Variants in ACP6 observed in about 807,000 individuals in gnomAD.
The protein encoded by ACP6 is lysophosphatidic acid phosphatase type 6.
A neutral mutation model predicts 48.1 loss-of-function variants in ACP6; 48 were observed. The observed-to-expected ratio is 1.00, with a 90% CI of 0.79 to 1.27. The LOEUF is 1.27. Ranked by LOEUF, ACP6 falls within the 50% of genes most tolerant of loss-of-function variation. The pLI, the probability that ACP6 is intolerant of heterozygous loss-of-function variation, is 0.00. For missense variants in ACP6, 485 were observed against 529.1 expected, an observed-to-expected ratio of 0.92 and a Z score of 0.82; for synonymous variants, 172 against 204.2, an observed-to-expected ratio of 0.84 and a Z score of 1.34.
Position 147,645,574 on chromosome 1 carries a change from T to C in ACP6, c.*1849A>G, listed in dbSNP as rs1426427262. 2.0e-5 allele frequency: 3 copies of C among 152,198 alleles called. No homozygotes were observed. The highest frequency in any genetic ancestry group is 3.9e-4 in the East Asian group (2 of 5,188). The allele number at this position is 152,198 out of a possible 1,614,324, so 9.4% of individuals were successfully genotyped here. ...CATTTGTCGAAGCCAGTGAAGGAAA[T>C]AGTCTAGGAATACTGATGAGAAGCT... On this transcript the variant is annotated 3_prime_UTR_variant, in exon 10 of 10. Transcript: ENST00000583509.
intron 5 of ACP6, among the ~76,000 whole-genome samples, chr1:147,636,511 C>T (rs781830431): frequency 6.6e-6 from 1 of 152,162 alleles, no homozygotes; most frequent in Non-Finnish European, 1.5e-5. Context: ...GGACACATCC[C>T]GGAAGCCAGA....
chr1:147,654,576 T>C (rs974427788), intron 5 of ACP6, among the ~76,000 whole-genome samples: 1 of 152,220 alleles, frequency 6.6e-6, no homozygotes, highest in Non-Finnish European at 1.5e-5. Flanking sequence ...CTCTAGCATT[T>C]GCATTGCATC....
At chr1:147,649,895 A>C in intron 8 of ACP6, 1 of 514,804 alleles carries the variant, frequency 1.9e-6, no homozygotes, top group Non-Finnish European at 3.4e-6. Context: ...ACTGTTTGAC[A>C]TATCTTCAAT....
intron 4 of ACP6, among the ~76,000 whole-genome samples, chr1:147,658,715 G>T (rs782058756): frequency 6.6e-6 from 1 of 152,118 alleles, no homozygotes; most frequent in Non-Finnish European, 1.5e-5. Flanking sequence ...AAGCTTGAGG[G>T]GAGAAGCCAG....
intron 5 of ACP6, among the ~76,000 whole-genome samples, chr1:147,632,194 AACAC>A (rs71584653): frequency 4.3e-4 from 63 of 145,992 alleles, no homozygotes; most frequent in Middle Eastern, 3.5e-3. Flanking sequence ...ACCTATGCCC[AACAC>A]ACACACACAC....
intron 8 of ACP6, 42 bp from the exon 9 acceptor site, chr1:147,648,453 C>T: frequency 6.2e-7 from 1 of 1,608,088 alleles, no homozygotes; most frequent in South Asian, 1.1e-5. Context: ...TGCCTCAGGA[C>T]TCTGAAGGTC....
intron 5 of ACP6, among the ~76,000 whole-genome samples, chr1:147,637,207 G>A (rs144733789): frequency 1.3e-5 from 2 of 152,254 alleles, no homozygotes; most frequent in Admixed American, 6.5e-5. Context: ...AGGATGCTGT[G>A]GAATCCTAGA....
At chr1:147,647,986 CAGG>C (rs1659710319) in intron 9 of ACP6, 1 of 525,516 alleles carries the variant, frequency 1.9e-6, no homozygotes, top group South Asian at 2.7e-5. Context: ...CAGGGACGCT[CAGG>C]AGAAGAGGAG....
At chr1:147,655,816 T>C (rs1474953327) in intron 4 of ACP6, among the ~76,000 whole-genome samples, 1 of 152,112 alleles carries the variant, frequency 6.6e-6, no homozygotes, top group African/African-American at 2.4e-5. Context: ...GAAACTACAA[T>C]GTTTCTCATA....
chr1:147,649,042 G>A (rs1487533392), intron 8 of ACP6, among the ~76,000 whole-genome samples: 5 of 152,152 alleles, frequency 3.3e-5, no homozygotes, highest in African/African-American at 9.7e-5. Context: ...AAGGTGGCAA[G>A]GTGGCAAAAG....
chr1:147,669,812 C>G lies in ACP6; in HGVS notation c.219+18G>C. The G allele has an allele frequency of 2.6e-6, 4 of 1,553,190 alleles. No homozygotes were observed. The highest frequency in any genetic ancestry group is 3.5e-6 in the Non-Finnish European group (4 of 1,143,012). On this transcript the variant is annotated intron_variant, in intron 1 of 9. Transcript: ENST00000583509. ...ACGGTCCTCGCCCCACCAGCCCCAG[C>G]CCGGGCCGACCTCTCACCTGCTCCT...
At chr1:147,666,297 C>T (rs782815474) in intron 1 of ACP6, among the ~76,000 whole-genome samples, 21 of 152,296 alleles carry the variant, frequency 1.4e-4, no homozygotes, top group African/African-American at 4.8e-4. Context: ...ATATAATGAA[C>T]ATCTTTTCAG....
At position 147,666,082 on chromosome 1, in the gene ACP6, A is replaced by G. The variant is rs186728690; in HGVS notation, c.219+3748T>C. On this transcript the variant is annotated intron_variant, in intron 1 of 9. Transcript: ENST00000583509. ...TGGATGCAGTAACACGGTTACTAAAATATGTACACCATGAAGATCTGTTTA... is the reference window on the plus strand; with the variant it reads ...TGGATGCAGTAACACGGTTACTAAAGTATGTACACCATGAAGATCTGTTTA... Among the ~76,000 whole-genome samples the G allele has an allele frequency of 3.9e-3, 594 of 152,364 alleles. 2 individuals are homozygous for G. Among genetic ancestry groups the G allele is most frequent in the Non-Finnish European group, 7.1e-3 (480 of 68,040 alleles).
At chr1:147,654,066 C>A in intron 6 of ACP6, 128 bp downstream of exon 6, 1 of 1,464,596 alleles carries the variant, frequency 6.8e-7, no homozygotes, top group South Asian at 1.4e-5. Flanking sequence ...CACACCCATT[C>A]TATCTGTAGG....
At chr1:147,659,822 G>A in intron 1 of ACP6, 47 bp from the exon 2 acceptor site, 1 of 1,599,076 alleles carries the variant, frequency 6.3e-7, no homozygotes, top group Non-Finnish European at 8.5e-7. Context: ...AATGGTTCTT[G>A]AAATGTATAG....
intron 1 of ACP6, among the ~76,000 whole-genome samples, chr1:147,662,753 C>T (rs1553213013): frequency 1.3e-5 from 2 of 152,176 alleles, no homozygotes; most frequent in African/African-American, 4.8e-5. Context: ...AAAGCAGTGG[C>T]AGAGTTTGAG....
At chr1:147,665,667 A>G (rs1224830386) in intron 1 of ACP6, among the ~76,000 whole-genome samples, 1 of 152,216 alleles carries the variant, frequency 6.6e-6, no homozygotes, top group Non-Finnish European at 1.5e-5. Flanking sequence ...TCCAGTGTCC[A>G]CCACAGGGCC....
chr1:147,639,666 T>C (rs1553208425), downstream of ACP6, among the ~76,000 whole-genome samples: 2 of 152,220 alleles, frequency 1.3e-5, no homozygotes, highest in Non-Finnish European at 2.9e-5. Flanking sequence ...TTTAAGGCCA[T>C]GGTACCCAGA....
rs1209741726 is a variant in ACP6, at chr1:147,644,872, T to C, written c.*2551A>G. ...CTATTGTATATCTTAAACATCCAAA[T>C]AGAGACATTGATTAGACTGTTGGAA... On this transcript the variant is annotated 3_prime_UTR_variant, in exon 10 of 10. Coordinates refer to ENST00000583509, the MANE Select transcript of ACP6 (RefSeq NM_016361.5). 2 of 152,112 alleles carry C rather than the reference T, an allele frequency of 1.3e-5. No individual in the cohort carries two copies. The highest frequency in any genetic ancestry group is 4.8e-5 in the African/African-American group (2 of 41,418). The allele number at this position is 152,112 out of a possible 1,614,324, so 9.4% of individuals were successfully genotyped here. A position where few individuals can be genotyped will look rare whatever the true frequency, so the allele number is the denominator to read the frequency against.
Sources: allele counts gnomAD v4.1 joint callset (sites outside exome capture counted in the v4.1 genomes callset), GRCh38; gene constraint gnomAD v4.1.1; transcripts MANE v1.5; gene names NCBI Gene and HGNC (gene_info 2026-07-23, HGNC 2026-07-21).